The following CADM1 variants were observed in gnomAD, a reference collection of about 807,000 sequenced individuals.
CADM1 encodes the protein TSLC-1.
In CADM1, 15 loss-of-function variants were observed where a neutral mutation model predicts 53.1. That is an observed-to-expected ratio of 0.28 (90% CI 0.19 to 0.44). CADM1 has a LOEUF of 0.44. CADM1 is among the 20% of genes least tolerant of loss of function. The pLI, the probability that CADM1 is intolerant of heterozygous loss-of-function variation, is 1.00. For synonymous variants in CADM1, 281 were observed against 243.0 expected (o/e 1.16, Z -1.45); for missense variants, 434 against 611.3 (o/e 0.71, Z 3.06).
At chr11:115,404,299 C>T (rs1947242050) in intron 1 of CADM1, among the ~76,000 whole-genome samples, 1 of 121,904 alleles carries the variant, frequency 8.2e-6, no homozygotes, top group Non-Finnish European at 1.6e-5. Flanking sequence ...CCACTCCAGC[C>T]TGGGCGACAG....
chr11:115,415,414 A>G (rs946487261), intron 1 of CADM1, among the ~76,000 whole-genome samples: 1 of 152,156 alleles, frequency 6.6e-6, no homozygotes, highest in African/African-American at 2.4e-5. Context: ...GCTAAAACCT[A>G]AAAAAAGAGA....
intron 1 of CADM1, among the ~76,000 whole-genome samples, chr11:115,260,539 C>T (rs1191224318): frequency 1.8e-4 from 27 of 152,212 alleles, no homozygotes; most frequent in Non-Finnish European, 1.6e-4. Flanking sequence ...GGTATAATTG[C>T]TAACAAGACA....
At chr11:115,444,962 T>C (rs1434176052) in intron 1 of CADM1, among the ~76,000 whole-genome samples, 1 of 152,212 alleles carries the variant, frequency 6.6e-6, no homozygotes, top group African/African-American at 2.4e-5. Context: ...GGAGAGGCTA[T>C]GTGTGAAGCA....
chr11:115,434,011 T>C (rs1050910167), intron 1 of CADM1, among the ~76,000 whole-genome samples: 7 of 152,182 alleles, frequency 4.6e-5, no homozygotes, highest in Non-Finnish European at 1.0e-4. Flanking sequence ...CTAAGATCTT[T>C]TAAGTTTATG....
At chr11:115,250,525 T>C (rs866464454) in intron 1 of CADM1, among the ~76,000 whole-genome samples, 1 of 152,188 alleles carries the variant, frequency 6.6e-6, no homozygotes, top group Non-Finnish European at 1.5e-5. Flanking sequence ...AAAAGGAAAG[T>C]GGCTGCTATT....
chr11:115,302,868 T>C (rs1193850270), intron 1 of CADM1, among the ~76,000 whole-genome samples: 1 of 152,076 alleles, frequency 6.6e-6, no homozygotes, highest in African/African-American at 2.4e-5. Flanking sequence ...AGGCTGTGTA[T>C]GAGTGGAGCA....
At chr11:115,296,662 C>T (rs1944086749) in intron 1 of CADM1, among the ~76,000 whole-genome samples, 1 of 152,178 alleles carries the variant, frequency 6.6e-6, no homozygotes, top group South Asian at 2.1e-4. Flanking sequence ...CCTTAAACTT[C>T]CTAGCCTGCA....
chr11:115,432,006 G>A (rs760712138), intron 1 of CADM1, among the ~76,000 whole-genome samples: 37 of 151,890 alleles, frequency 2.4e-4, no homozygotes, highest in Non-Finnish European at 3.7e-4. Context: ...GGGCAGTGGC[G>A]TGATCTCGGC....
At chr11:115,308,211 T>TATATATATATATATATATATATATAC (rs139012671) in intron 1 of CADM1, among the ~76,000 whole-genome samples, 53 of 139,414 alleles carry the variant, frequency 3.8e-4, no homozygotes, top group African/African-American at 1.2e-3. Context: ...TATATATATA[T>TATATATATATATATATATATATATAC]ACACACCTAT....
intron 1 of CADM1, among the ~76,000 whole-genome samples, chr11:115,390,751 G>T (rs757439841): frequency 6.6e-6 from 1 of 151,594 alleles, no homozygotes; most frequent in Admixed American, 6.6e-5. Context: ...GAAGTTTCTA[G>T]ATTAAACAAT....
intron 1 of CADM1, among the ~76,000 whole-genome samples, chr11:115,318,370 T>C (rs556991841): frequency 6.6e-6 from 1 of 152,274 alleles, no homozygotes; most frequent in South Asian, 2.1e-4. Flanking sequence ...TTCAAAATTA[T>C]AGGCTGAAAC....
chr11:115,274,907 C>T (rs1943402984), intron 1 of CADM1, among the ~76,000 whole-genome samples: 1 of 152,162 alleles, frequency 6.6e-6, no homozygotes, highest in South Asian at 2.1e-4. Flanking sequence ...TGCCCTGGGT[C>T]CTCTACAAAG....
intron 1 of CADM1, among the ~76,000 whole-genome samples, chr11:115,469,238 C>A (rs1565442809): frequency 1.3e-5 from 2 of 152,208 alleles, no homozygotes; most frequent in Admixed American, 6.5e-5. Context: ...ACTTCAGCCA[C>A]TCCTCTATAA....
chr11:115,190,519 C>A, intron 10 of CADM1: 1 of 165,026 alleles, frequency 6.1e-6, no homozygotes, highest in Non-Finnish European at 1.3e-5. Context: ...TAAAAAAGAT[C>A]TTGTCACATA....
chr11:115,339,767 C>T (rs991214220), intron 1 of CADM1, among the ~76,000 whole-genome samples: 3 of 152,092 alleles, frequency 2.0e-5, no homozygotes, highest in African/African-American at 7.2e-5. Context: ...GTCTCTTCAC[C>T]ACCAATTAAG....
At chr11:115,305,721 C>G (rs1253381508) in intron 1 of CADM1, among the ~76,000 whole-genome samples, 1 of 151,646 alleles carries the variant, frequency 6.6e-6, no homozygotes, top group East Asian at 1.9e-4. Context: ...GGATGGGCAA[C>G]AGCCTTAGAA....
At chr11:115,203,998 A>G (rs926848331) in intron 8 of CADM1, among the ~76,000 whole-genome samples, 1 of 152,220 alleles carries the variant, frequency 6.6e-6, no homozygotes, top group Admixed American at 6.5e-5. Context: ...TATTCTTGTC[A>G]CTAGGTATAC....
Position 115,215,744 on chromosome 11 carries a change from A to G in CADM1, c.822-964T>C, listed in dbSNP as rs1423907135. On this transcript the variant is annotated intron_variant, in intron 6 of 11. Coordinates refer to ENST00000331581, the MANE Select transcript of CADM1 (RefSeq NM_001301043.2). ...TTCAAGGCACTTCCCTCAACCTCCT[A>G]TGAAGTTGAGGCCACATTTAGAATT... is the stretch of plus-strand genomic sequence containing the variant. Among the ~76,000 whole-genome samples the G allele has an allele frequency of 2.6e-5, 4 of 152,210 alleles. No homozygotes were observed. In the East Asian group the frequency reaches 5.8e-4, roughly 22 times the overall value.
chr11:115,266,746 G>T (rs763040643), intron 1 of CADM1, among the ~76,000 whole-genome samples: 2 of 152,236 alleles, frequency 1.3e-5, no homozygotes, highest in Middle Eastern at 3.4e-3. Flanking sequence ...TTTCTAAATG[G>T]AATCTGAGAT....
Sources: gnomAD v4.1 joint callset for allele counts (sites outside exome capture counted in the v4.1 genomes callset) on GRCh38, gnomAD v4.1.1 for gene constraint, MANE v1.5 for transcripts, NCBI Gene and HGNC (gene_info 2026-07-23, HGNC 2026-07-21) for gene names.